Variants in MORC1 observed in about 807,000 individuals in gnomAD.
The protein encoded by MORC1 is MORC family CW-type zinc finger 1.
A neutral mutation model predicts 134.9 loss-of-function variants in MORC1; 59 were observed. That is an observed-to-expected ratio of 0.44 (90% CI 0.35 to 0.54). The LOEUF (loss-of-function observed/expected upper bound fraction) is 0.54, where lower values mean the gene tolerates loss of function less well. Ranked by LOEUF, MORC1 falls within the 20% of genes least tolerant of loss-of-function variation. The pLI, the probability that MORC1 is intolerant of heterozygous loss-of-function variation, is 0.00. For synonymous variants in MORC1, 395 were observed against 391.7 expected, an observed-to-expected ratio of 1.01 and a Z score of -0.10; for missense variants, 947 against 1,134.5, an observed-to-expected ratio of 0.83 and a Z score of 2.37.
At chr3:108,970,078 G>A (rs531592746) in intron 25 of MORC1, among the ~76,000 whole-genome samples, 54 of 152,196 alleles carry the variant, frequency 3.5e-4, no homozygotes, top group Non-Finnish European at 4.4e-4. Context: ...GAGTGTCAGA[G>A]AAACAGATGG....
intron 17 of MORC1, among the ~76,000 whole-genome samples, chr3:109,021,969 T>G (rs879664461): frequency 6.6e-6 from 1 of 152,210 alleles, no homozygotes; most frequent in African/African-American, 2.4e-5. Context: ...TAATGTCTCA[T>G]TTGGTATGCC....
chr3:109,019,960 C>T (rs1484465781), intron 17 of MORC1, among the ~76,000 whole-genome samples: 2 of 152,012 alleles, frequency 1.3e-5, no homozygotes, highest in Admixed American at 1.3e-4. Flanking sequence ...ACAAAAAAAC[C>T]CTGCAGTGAC....
chr3:109,091,764 G>T (rs1031388969), intron 8 of MORC1, among the ~76,000 whole-genome samples: 8 of 152,008 alleles, frequency 5.3e-5, no homozygotes, highest in African/African-American at 1.9e-4. Context: ...CTTTTCTTGT[G>T]ATTAAACTAA....
chr3:109,082,848 G>A (rs940652135), intron 8 of MORC1, among the ~76,000 whole-genome samples: 1 of 152,020 alleles, frequency 6.6e-6, no homozygotes, highest in African/African-American at 2.4e-5. Context: ...CAAGAGCAAG[G>A]GTTAGAAAGC....
At chr3:108,990,446 C>T (rs1378190234) in intron 21 of MORC1, among the ~76,000 whole-genome samples, 1 of 152,080 alleles carries the variant, frequency 6.6e-6, no homozygotes, top group East Asian at 1.9e-4. Flanking sequence ...GTTTTATAGA[C>T]TTGTTTGTTC....
intron 2 of MORC1, among the ~76,000 whole-genome samples, chr3:109,114,126 A>G (rs909847095): frequency 8.5e-5 from 13 of 152,360 alleles, no homozygotes; most frequent in African/African-American, 3.1e-4. Flanking sequence ...AAAAATATCT[A>G]AATGAATATG....
At chr3:109,021,149 G>A (rs1376978293) in intron 17 of MORC1, among the ~76,000 whole-genome samples, 1 of 152,276 alleles carries the variant, frequency 6.6e-6, no homozygotes, top group East Asian at 1.9e-4. Flanking sequence ...ATCTTACTCT[G>A]AGCACAGTCA....
chr3:109,011,978 A>T lies in MORC1; in HGVS notation c.1705-4887T>A, dbSNP rs191160951. On this transcript the variant is annotated intron_variant, in intron 17 of 27. Coordinates refer to ENST00000232603, the MANE Select transcript of MORC1 (RefSeq NM_014429.4). Reference sequence around the variant, plus strand: ...ATTTTGATGAGGTACAATTTAAAAAATTTTCTTTTTATAGATCATGCATTA... The same window carrying T: ...ATTTTGATGAGGTACAATTTAAAAATTTTTCTTTTTATAGATCATGCATTA... Among the ~76,000 whole-genome samples, 478 of 152,318 alleles carry T rather than the reference A, an allele frequency of 3.1e-3. 1 individual carries two copies. Among genetic ancestry groups the T allele is most frequent in the Middle Eastern group, 6.8e-3 (2 of 294 alleles).
chr3:108,969,246 T>C (rs1252833334), intron 26 of MORC1, among the ~76,000 whole-genome samples: 1 of 152,186 alleles, frequency 6.6e-6, no homozygotes. Context: ...ATTAATTACT[T>C]TTATGTCTAC....
chr3:108,964,078 T>C (rs1165225436), intron 26 of MORC1, among the ~76,000 whole-genome samples: 2 of 152,222 alleles, frequency 1.3e-5, no homozygotes, highest in Non-Finnish European at 2.9e-5. Context: ...CTGTAGCATC[T>C]AGAAAGCACA....
chr3:109,041,959 G>T (rs1387569721), intron 14 of MORC1, among the ~76,000 whole-genome samples: 2 of 151,430 alleles, frequency 1.3e-5, no homozygotes, highest in African/African-American at 4.9e-5. Context: ...AAAAAAAATT[G>T]AATAAAAGTG....
intron 17 of MORC1, among the ~76,000 whole-genome samples, chr3:109,020,830 CA>C (rs1322053803): frequency 6.6e-6 from 1 of 151,528 alleles, no homozygotes; most frequent in East Asian, 1.9e-4. Context: ...AGGAAGGGAG[CA>C]GATTCAGATC....
chr3:108,982,434 A>G (rs980551997), intron 23 of MORC1, among the ~76,000 whole-genome samples: 28 of 152,120 alleles, frequency 1.8e-4, no homozygotes, highest in African/African-American at 6.3e-4. Context: ...TCATGCTACT[A>G]TAAAGACACA....
At chr3:109,097,445 A>G (rs893106684) in intron 6 of MORC1, among the ~76,000 whole-genome samples, 2 of 152,214 alleles carry the variant, frequency 1.3e-5, no homozygotes, top group African/African-American at 4.8e-5. Flanking sequence ...ACTGGAGAAC[A>G]TGCTGTACCA....
intron 24 of MORC1, among the ~76,000 whole-genome samples, chr3:108,977,294 T>C (rs532706307): frequency 5.9e-5 from 9 of 152,218 alleles, no homozygotes; most frequent in Non-Finnish European, 1.3e-4. Flanking sequence ...TTTGTGAGAA[T>C]AGAAACTAAT....
intron 2 of MORC1, among the ~76,000 whole-genome samples, chr3:109,113,367 G>A (rs1369033586): frequency 6.6e-6 from 1 of 152,094 alleles, no homozygotes; most frequent in African/African-American, 2.4e-5. Context: ...AGGAGATAAC[G>A]ACTTTCTACT....
chr3:109,036,926 ACTAATCTG>A (rs1251462098), intron 14 of MORC1, among the ~76,000 whole-genome samples: 1 of 152,168 alleles, frequency 6.6e-6, no homozygotes, highest in Non-Finnish European at 1.5e-5. Context: ...CATCTTAAAT[ACTAATCTG>A]CCGTGTTGAC....
chr3:108,987,704 C>T (rs1412576904), intron 21 of MORC1, among the ~76,000 whole-genome samples: 4 of 151,630 alleles, frequency 2.6e-5, no homozygotes, highest in Non-Finnish European at 4.4e-5. Context: ...CTTTGGGAAT[C>T]CTGTTAAGAT....
Position 108,985,957 on chromosome 3 carries a change from A to G in MORC1, c.2257+923T>C, listed in dbSNP as rs139895755. On this transcript the variant is annotated intron_variant, in intron 22 of 27. Transcript: ENST00000232603. ...AGTGTGATTTCTTAGGGACCTCACT[A>G]ATGGGTTCAAACATAAAGTTGTGAA... 2.6e-3 allele frequency among the ~76,000 whole-genome samples: 396 copies of G among 152,266 alleles called. 1 individual carries two copies. Among genetic ancestry groups the G allele is most frequent in the Non-Finnish European group, 4.2e-3 (285 of 68,008 alleles).
Sources: gnomAD v4.1 joint callset for allele counts (sites outside exome capture counted in the v4.1 genomes callset) on GRCh38, gnomAD v4.1.1 for gene constraint, MANE v1.5 for transcripts, NCBI Gene and HGNC (gene_info 2026-07-23, HGNC 2026-07-21) for gene names.